RAB5A: variants seen among roughly 807,000 people sequenced by gnomAD.
RAB5A encodes the protein ras-related protein Rab-5A.
Under a neutral mutation model 25.7 loss-of-function variants are expected in RAB5A, and 8 were observed. The ratio of observed to expected loss-of-function variants is 0.31; its 90% CI spans 0.18 to 0.56. The LOEUF is 0.56. RAB5A is among the 20% of genes least tolerant of loss of function. The probability of loss-of-function intolerance (pLI) is 0.91; values close to 1 mark genes in which losing one functional copy is unlikely to be tolerated. For synonymous variants in RAB5A, 98 were observed against 89.8 expected (o/e 1.09, Z -0.52); for missense variants, 192 against 259.7 (o/e 0.74, Z 1.79).
chr3:19,948,489 T>G (rs1696367393), intron 1 of RAB5A, among the ~76,000 whole-genome samples: 1 of 152,218 alleles, frequency 6.6e-6, no homozygotes, highest in South Asian at 2.1e-4. Flanking sequence ...TTAGAAGGAT[T>G]TTAACTATAG....
intron 5 of RAB5A, chr3:19,980,093 G>C (rs1274067492): frequency 6.6e-6 from 1 of 152,180 alleles, no homozygotes; most frequent in Non-Finnish European, 1.5e-5. Flanking sequence ...CAGTTTGCTA[G>C]GGAAGTGCTG....
chr3:19,972,682 T>G (rs1033373407), intron 2 of RAB5A, among the ~76,000 whole-genome samples: 10 of 152,200 alleles, frequency 6.6e-5, no homozygotes, highest in African/African-American at 2.4e-4. Flanking sequence ...ATAAAATGGA[T>G]TTTTCTTCAT....
intron 2 of RAB5A, among the ~76,000 whole-genome samples, chr3:19,971,226 G>C (rs1696747177): frequency 6.7e-6 from 1 of 149,756 alleles, no homozygotes; most frequent in Non-Finnish European, 1.5e-5. Flanking sequence ...CACTATAGTA[G>C]TATTTTAAAA....
intron 2 of RAB5A, among the ~76,000 whole-genome samples, chr3:19,964,029 C>T (rs1446766654): frequency 1.3e-5 from 2 of 152,126 alleles, no homozygotes; most frequent in Non-Finnish European, 2.9e-5. Context: ...TTTTAAAGGT[C>T]TGGAAGATTC....
intron 2 of RAB5A, among the ~76,000 whole-genome samples, chr3:19,956,419 A>C (rs1165599783): frequency 6.6e-6 from 1 of 152,130 alleles, no homozygotes. Context: ...GCGCCATTGC[A>C]CTCCAGCCTG....
At chr3:19,975,518 T>A (rs1359627484) in intron 2 of RAB5A, 83 bp from the exon 3 acceptor site, 1 of 1,325,926 alleles carries the variant, frequency 7.5e-7, no homozygotes, top group African/African-American at 1.5e-5. Flanking sequence ...GACATTTTGA[T>A]AGATGTATAC....
At chr3:19,951,129 C>T in intron 2 of RAB5A, 68 bp downstream of exon 2, 2 of 1,537,120 alleles carry the variant, frequency 1.3e-6, no homozygotes, top group South Asian at 1.2e-5. Context: ...TTTTGATGTT[C>T]CAATTGTGTG....
rs1421691198 is a variant in RAB5A, at chr3:19,953,264, ATGTG to A, written c.163+2207_163+2210del. On this transcript the variant is annotated intron_variant, in intron 2 of 5. Coordinates refer to ENST00000273047, the MANE Select transcript of RAB5A (RefSeq NM_004162.5). ...TGTGTATCATAAATATATCTCTGAT[ATGTG>A]TGTATCTCTATATAATCTCCATGTA... 2.6e-5 allele frequency among the ~76,000 whole-genome samples: 4 copies of A among 152,176 alleles called. No individual in the cohort carries two copies. The East Asian group carries it at 7.7e-4, about 29-fold the overall frequency.
At chr3:19,958,058 G>A (rs1035523264) in intron 2 of RAB5A, among the ~76,000 whole-genome samples, 9 of 152,082 alleles carry the variant, frequency 5.9e-5, no homozygotes, top group Non-Finnish European at 1.2e-4. Context: ...TATTTAATGT[G>A]CTTTTACCTT....
At chr3:19,977,306 C>A (rs1696841038) in intron 4 of RAB5A, among the ~76,000 whole-genome samples, 1 of 152,114 alleles carries the variant, frequency 6.6e-6, no homozygotes, top group Admixed American at 6.5e-5. Context: ...GATCTCCTGA[C>A]CTTGTGATCC....
chr3:19,948,064 A>C (rs887125755), intron 1 of RAB5A, among the ~76,000 whole-genome samples: 1 of 152,114 alleles, frequency 6.6e-6, no homozygotes, highest in Admixed American at 6.6e-5. Flanking sequence ...TCGTCAAAAT[A>C]GGCTGTCTAG....
intron 2 of RAB5A, among the ~76,000 whole-genome samples, chr3:19,951,701 G>GTTTTTTGTTT (rs1282723121): frequency 1.0e-5 from 1 of 99,000 alleles, no homozygotes; most frequent in South Asian, 3.3e-4. Context: ...TGCCAGGCAA[G>GTTTTTTGTTT]TTTTTTTTTT....
Position 19,971,432 on chromosome 3 carries a change from A to G in RAB5A, c.164-4169A>G, listed in dbSNP as rs1266946803. On this transcript the variant is annotated intron_variant, in intron 2 of 5. Transcript: ENST00000273047. The stretch of plus-strand genomic sequence containing the variant: ...CTTTTCTCCCCCAAAATTATGCTTT[A>G]TCATACCACATGAACAGTAGTACGG... Among the ~76,000 whole-genome samples the G allele has an allele frequency of 2.6e-5, 4 of 151,822 alleles. No individual in the cohort carries two copies. In the South Asian group the frequency reaches 6.2e-4, roughly 24 times the overall value.
chr3:19,961,808 A>G (rs1291671668), intron 2 of RAB5A, among the ~76,000 whole-genome samples: 12 of 152,200 alleles, frequency 7.9e-5, no homozygotes, highest in Admixed American at 5.9e-4. Flanking sequence ...AAATCTATAT[A>G]TTCTTGTCTC....
At position 19,974,162 on chromosome 3, in the gene RAB5A, CT is replaced by C. The variant is rs762397081; in HGVS notation, c.164-1424del. 3.1e-3 allele frequency among the ~76,000 whole-genome samples: 443 copies of C among 141,222 alleles called. 1 individual carries two copies. The highest frequency in any genetic ancestry group is 9.7e-3 in the South Asian group (43 of 4,440). The allele number at this position is 141,222 out of a possible 152,430, so 92.6% of individuals were successfully genotyped here. On this transcript the variant is annotated intron_variant, in intron 2 of 5. Coordinates refer to ENST00000273047, the MANE Select transcript of RAB5A (RefSeq NM_004162.5). ...AATATTGTATCATTTTATAATGCTA[CT>C]TTTTTTTTTTTTTTGAGACAGAGTC...
chr3:19,950,988 T>G lies in RAB5A; in HGVS notation c.90T>G (p.Ala30=). The change falls in exon 2 of 6, where the codon GCT becomes GCG. Residue 30 remains alanine (A), a synonymous_variant. Transcript: ENST00000273047. ...AACTAGTACTTCTGGGAGAGTCCGC[T>G]GTTGGCAAATCAAGCCTAGTGCTTC... ...QFKLVLLGES[A]VGKSSLVLRF... The G allele has an allele frequency of 6.2e-7, 1 of 1,614,118 alleles. No individual in the cohort carries two copies. Among genetic ancestry groups the G allele is most frequent in the South Asian group, 1.1e-5 (1 of 91,080 alleles).
chr3:19,949,415 C>T (rs905930555), intron 1 of RAB5A, among the ~76,000 whole-genome samples: 2 of 152,150 alleles, frequency 1.3e-5, no homozygotes, highest in African/African-American at 2.4e-5. Context: ...GACAGGGTCT[C>T]ACTGTGTTGC....
At chr3:19,969,812 C>CT (rs1000427845) in intron 2 of RAB5A, among the ~76,000 whole-genome samples, 1 of 151,846 alleles carries the variant, frequency 6.6e-6, no homozygotes. Flanking sequence ...CTTTGTTTTT[C>CT]TTTTTTTTCT....
intron 2 of RAB5A, among the ~76,000 whole-genome samples, chr3:19,965,078 T>A (rs1214919911): frequency 6.6e-6 from 1 of 151,912 alleles, no homozygotes; most frequent in Non-Finnish European, 1.5e-5. Flanking sequence ...CATGCCACCA[T>A]GCCCGACTAA....
Sources: gnomAD v4.1 joint callset for allele counts (sites outside exome capture counted in the v4.1 genomes callset) on GRCh38, gnomAD v4.1.1 for gene constraint, MANE v1.5 for transcripts, NCBI Gene and HGNC (gene_info 2026-07-23, HGNC 2026-07-21) for gene names.